TRABD2B: variants seen among roughly 807,000 people sequenced by gnomAD.
The protein encoded by TRABD2B is metalloprotease TIKI2.
Under a neutral mutation model 40.1 loss-of-function variants are expected in TRABD2B, and 14 were observed. That is an observed-to-expected ratio of 0.35 (90% confidence interval 0.23 to 0.55). The LOEUF is 0.55. TRABD2B is among the 20% of genes least tolerant of loss of function. The pLI is 0.90. For synonymous variants in TRABD2B, 263 were observed against 277.0 expected, an observed-to-expected ratio of 0.95 and a Z score of 0.50; for missense variants, 541 against 648.6, an observed-to-expected ratio of 0.83 and a Z score of 1.80.
At chr1:47,802,945 T>C (rs1644842197) in intron 2 of TRABD2B, among the ~76,000 whole-genome samples, 1 of 152,192 alleles carries the variant, frequency 6.6e-6, no homozygotes, top group Non-Finnish European at 1.5e-5. Context: ...GACCCTGCTA[T>C]GGTCAATAAC....
At chr1:47,925,853 G>T (rs1644962192) in intron 2 of TRABD2B, among the ~76,000 whole-genome samples, 1 of 152,220 alleles carries the variant, frequency 6.6e-6, no homozygotes, top group African/African-American at 2.4e-5. Flanking sequence ...AGTCTAAGCT[G>T]CCATGGTGCA....
chr1:47,764,756 A>T lies in TRABD2B; in HGVS notation c.*1146T>A, dbSNP rs934847161. 2.6e-5 allele frequency: 4 copies of T among 152,218 alleles called. No homozygotes were observed. Among genetic ancestry groups the T allele is most frequent in the African/African-American group, 7.2e-5 (3 of 41,446 alleles). The allele number at this position is 152,218 out of a possible 1,614,324, so 9.4% of individuals were successfully genotyped here. A position where few individuals can be genotyped will look rare whatever the true frequency, so the allele number is the denominator to read the frequency against. On this transcript the variant is annotated 3_prime_UTR_variant, in exon 7 of 7. Coordinates refer to ENST00000606738, the MANE Select transcript of TRABD2B (RefSeq NM_001194986.2). ...CAGAGAGAACGTGGCAGAACAGGGA[A>T]CAGGAGGCAGGAATTGTTTTGCATC...
chr1:47,946,966 AAAT>A (rs1645267936), intron 2 of TRABD2B, among the ~76,000 whole-genome samples: 1 of 152,030 alleles, frequency 6.6e-6, no homozygotes, highest in African/African-American at 2.4e-5. Context: ...AGGTAAAGAG[AAAT>A]AATAATAATA....
intron 2 of TRABD2B, among the ~76,000 whole-genome samples, chr1:47,812,800 G>A (rs2124359234): frequency 6.6e-6 from 1 of 152,342 alleles, no homozygotes; most frequent in Non-Finnish European, 1.5e-5. Flanking sequence ...TTAAAGACGA[G>A]CCAGCAGTCA....
At chr1:47,831,436 T>C (rs551835907) in intron 2 of TRABD2B, among the ~76,000 whole-genome samples, 2 of 152,112 alleles carry the variant, frequency 1.3e-5, no homozygotes, top group African/African-American at 4.8e-5. Flanking sequence ...TGAACGTCTT[T>C]TGTGTGTTCG....
At chr1:47,939,512 T>C (rs1388556825) in intron 2 of TRABD2B, among the ~76,000 whole-genome samples, 1 of 152,204 alleles carries the variant, frequency 6.6e-6, no homozygotes, top group Admixed American at 6.5e-5. Context: ...ATGTTCTCTG[T>C]TCTGTCTGAG....
chr1:47,875,009 T>C (rs1644203687), intron 2 of TRABD2B, among the ~76,000 whole-genome samples: 1 of 152,106 alleles, frequency 6.6e-6, no homozygotes, highest in Admixed American at 6.5e-5. Flanking sequence ...CACTTGCTCA[T>C]AGTGACTTCA....
chr1:47,939,838 G>GTAAC (rs780183474), intron 2 of TRABD2B, among the ~76,000 whole-genome samples: 6 of 152,112 alleles, frequency 3.9e-5, no homozygotes, highest in Non-Finnish European at 8.8e-5. Context: ...CAGGCCTCTG[G>GTAAC]TAACTTCTGG....
chr1:47,873,952 T>C lies in TRABD2B; in HGVS notation c.667-72333A>G, dbSNP rs181744745. Among the ~76,000 whole-genome samples, 173 of 152,280 alleles carry C rather than the reference T, an allele frequency of 1.1e-3. 1 individual carries two copies. The highest frequency in any genetic ancestry group is 3.8e-3 in the African/African-American group (160 of 41,562). On this transcript the variant is annotated intron_variant, in intron 2 of 6. Coordinates refer to ENST00000606738, the MANE Select transcript of TRABD2B (RefSeq NM_001194986.2). ...ATGGGTTATGAGAGGACACAGATGCTAGGAGAAAAATGTGTGACTGGAGAA... is the reference window on the plus strand; with the variant it reads ...ATGGGTTATGAGAGGACACAGATGCCAGGAGAAAAATGTGTGACTGGAGAA...
intron 6 of TRABD2B, among the ~76,000 whole-genome samples, chr1:47,768,790 C>T (rs1392321163): frequency 6.6e-6 from 1 of 152,194 alleles, no homozygotes; most frequent in African/African-American, 2.4e-5. Flanking sequence ...AATAATAACA[C>T]CTTCCACTTA....
chr1:47,787,177 G>A (rs1049264843), intron 4 of TRABD2B, among the ~76,000 whole-genome samples: 2 of 152,172 alleles, frequency 1.3e-5, no homozygotes, highest in Admixed American at 1.3e-4. Context: ...TGAGTAAACT[G>A]GAAGGCAGCT....
rs544534608 is a variant in TRABD2B, at chr1:47,817,885, C to T, written c.667-16266G>A. Among the ~76,000 whole-genome samples the T allele has an allele frequency of 5.3e-5, 8 of 152,370 alleles. No homozygotes were observed. In the East Asian group the frequency reaches 1.5e-3, roughly 29 times the overall value. On this transcript the variant is annotated intron_variant, in intron 2 of 6. Transcript: ENST00000606738. The stretch of plus-strand genomic sequence containing the variant: ...GGTCAGCAAGCCTGGGAGGCTTCCA[C>T]CCCAGCTCCTCCACCCCCGTTTGAA...
intron 2 of TRABD2B, among the ~76,000 whole-genome samples, chr1:47,972,545 G>A (rs1006508147): frequency 1.1e-4 from 17 of 152,154 alleles, no homozygotes; most frequent in Non-Finnish European, 2.5e-4. Context: ...TCCACCACAT[G>A]AGGACAAAAC....
intron 2 of TRABD2B, among the ~76,000 whole-genome samples, chr1:47,963,339 C>T (rs1047898623): frequency 6.6e-6 from 1 of 152,172 alleles, no homozygotes; most frequent in African/African-American, 2.4e-5. Flanking sequence ...CCCCAGGTTA[C>T]AGGTGGTGAA....
intron 2 of TRABD2B, among the ~76,000 whole-genome samples, chr1:47,845,644 A>G (rs1253773296): frequency 6.6e-6 from 1 of 152,212 alleles, no homozygotes; most frequent in Non-Finnish European, 1.5e-5. Flanking sequence ...ATCTCTCCTC[A>G]GGCATATGTG....
At chr1:47,809,540 C>G (rs1644935884) in intron 2 of TRABD2B, among the ~76,000 whole-genome samples, 1 of 152,174 alleles carries the variant, frequency 6.6e-6, no homozygotes, top group Admixed American at 6.5e-5. Context: ...GGGTGGAGGA[C>G]AGCTCACTTC....
At chr1:47,778,566 G>C (rs758921647) in intron 4 of TRABD2B, 22 bp from the exon 5 acceptor site, 3 of 1,526,344 alleles carry the variant, frequency 2.0e-6, no homozygotes, top group Non-Finnish European at 2.6e-6. Context: ...GTGACAAAAG[G>C]GGCTCAGCCA....
intron 4 of TRABD2B, among the ~76,000 whole-genome samples, chr1:47,779,256 C>CA (rs35734323): frequency 0.64 from 97,575 of 151,886 alleles, 31,901 homozygotes; most frequent in East Asian, 0.98. Flanking sequence ...CCGGGGTAAC[C>CA]AAAAACCCTG....
intron 6 of TRABD2B, among the ~76,000 whole-genome samples, chr1:47,771,666 G>A (rs1356713917): frequency 6.6e-6 from 1 of 152,192 alleles, no homozygotes; most frequent in Admixed American, 6.5e-5. Context: ...AGAGCACCCT[G>A]GTCACAGCCC....
Sources: gnomAD v4.1 joint callset for allele counts (sites outside exome capture counted in the v4.1 genomes callset) on GRCh38, gnomAD v4.1.1 for gene constraint, MANE v1.5 for transcripts, NCBI Gene and HGNC (gene_info 2026-07-23, HGNC 2026-07-21) for gene names.